The following HOXC4 variants were observed in gnomAD, a reference collection of about 807,000 sequenced individuals.
HOXC4 encodes the protein homeobox C4, also known as homeobox protein Hox-C4.
HOXC4 carries 15 observed loss-of-function variants against 25.5 expected under a neutral mutation model. The observed-to-expected ratio is 0.59, with a 90% confidence interval of 0.39 to 0.91. The LOEUF (loss-of-function observed/expected upper bound fraction) is 0.91. Ranked by LOEUF, HOXC4 falls within the 40% of genes least tolerant of loss-of-function variation. The pLI is 0.00. For missense variants in HOXC4, 342 were observed against 352.4 expected (o/e 0.97, Z 0.24); for synonymous variants, 165 against 148.0 (o/e 1.11, Z -0.83).
rs189986609 is a variant in HOXC4, at chr12:54,025,431, C to G, written c.-124+8017C>G. On this transcript the variant is annotated intron_variant, in intron 1 of 3. Coordinates refer to the HOXC4 transcript ENST00000303406. ...TCGGGCTCATCTGACCTGCTCTCCC[C>G]CCTTGGAGCGAATCCTTTCAGCAAA... is the stretch of plus-strand genomic sequence containing the variant. Among the ~76,000 whole-genome samples the G allele has an allele frequency of 3.9e-3, 596 of 151,878 alleles. 1 individual carries two copies. The highest frequency in any genetic ancestry group is 5.8e-3 in the Non-Finnish European group (397 of 67,950).
At chr12:54,048,930 C>A (rs916035056), upstream of HOXC4, among the ~76,000 whole-genome samples, 1 of 152,184 alleles carries the variant, frequency 6.6e-6, no homozygotes, top group African/African-American at 2.4e-5. Context: ...GGTCACCAAC[C>A]TGCCGCACAG....
intron 1 of HOXC4, among the ~76,000 whole-genome samples, chr12:54,031,890 TG>T (rs1190125105): frequency 6.6e-6 from 1 of 152,180 alleles, no homozygotes; most frequent in East Asian, 1.9e-4. Context: ...CCATTCCTCT[TG>T]GTAGCTCAGA....
chr12:54,023,930 C>T (rs1565737818), intron 1 of HOXC4, among the ~76,000 whole-genome samples: 1 of 152,132 alleles, frequency 6.6e-6, no homozygotes, highest in African/African-American at 2.4e-5. Context: ...AGGCTCTTTG[C>T]GATCTGATCC....
intron 1 of HOXC4, among the ~76,000 whole-genome samples, chr12:54,043,448 T>C (rs2136458352): frequency 6.6e-6 from 1 of 152,110 alleles, no homozygotes; most frequent in South Asian, 2.1e-4. Flanking sequence ...CAGAAACACA[T>C]ATATGTGCCC....
chr12:54,034,503 G>C (rs767865645), intron 1 of HOXC4: 1 of 1,609,576 alleles, frequency 6.2e-7, no homozygotes, highest in Admixed American at 1.7e-5. Context: ...AGGCAGCGGG[G>C]GAGGCCCGCA....
intron 1 of HOXC4, among the ~76,000 whole-genome samples, chr12:54,041,663 C>A (rs1481628127): frequency 3.9e-5 from 6 of 152,202 alleles, no homozygotes; most frequent in Non-Finnish European, 8.8e-5. Context: ...TTCAAGTTAC[C>A]TTCAACCACA....
upstream of HOXC4, among the ~76,000 whole-genome samples, chr12:54,050,975 T>C (rs1296354755): frequency 6.6e-6 from 1 of 152,110 alleles, no homozygotes; most frequent in Non-Finnish European, 1.5e-5. Context: ...TGTCTACTAC[T>C]TATACTGGCC....
At chr12:54,034,034 C>T (rs1293410087) in intron 1 of HOXC4, 3 of 692,852 alleles carry the variant, frequency 4.3e-6, no homozygotes, top group South Asian at 1.5e-5. Flanking sequence ...TCCCTCTTCC[C>T]CCCAACCCCC....
intron 1 of HOXC4, among the ~76,000 whole-genome samples, chr12:54,040,061 A>C (rs911957198): frequency 6.6e-6 from 1 of 151,882 alleles, no homozygotes; most frequent in Non-Finnish European, 1.5e-5. Context: ...TCAGTTTTTT[A>C]CTGTTTTCTA....
Position 54,055,784 on chromosome 12 carries a change from A to C in HOXC4, c.*579A>C, listed in dbSNP as rs1413405841. On this transcript the variant is annotated 3_prime_UTR_variant, in exon 2 of 2. Transcript: ENST00000430889. The stretch of plus-strand genomic sequence containing the variant: ...TGGGAGGAGAGGGGGCGAAGACAGC[A>C]GACAAAGCTAAATGCATCTGGAGAG... 1 of 152,468 alleles carries C rather than the reference A, an allele frequency of 6.6e-6. No homozygotes were observed. Among genetic ancestry groups the C allele is most frequent in the African/African-American group, 2.4e-5 (1 of 41,360 alleles). The allele number at this position is 152,468 out of a possible 1,614,324, so 9.4% of individuals were successfully genotyped here.
At chr12:54,026,953 C>T (rs1009746835) in intron 1 of HOXC4, among the ~76,000 whole-genome samples, 41 of 107,430 alleles carry the variant, frequency 3.8e-4, no homozygotes, top group Non-Finnish European at 6.9e-4. Flanking sequence ...CCCCAACCCA[C>T]CCAAAAATGG....
At chr12:54,018,071 G>A (rs943711607) in intron 1 of HOXC4, among the ~76,000 whole-genome samples, 1 of 152,160 alleles carries the variant, frequency 6.6e-6, no homozygotes, top group Non-Finnish European at 1.5e-5. Context: ...GCCGAGAGGA[G>A]AGCGTCTGCC....
chr12:54,047,080 G>T (rs1937729061), intron 1 of HOXC4, among the ~76,000 whole-genome samples: 1 of 152,216 alleles, frequency 6.6e-6, no homozygotes, highest in Non-Finnish European at 1.5e-5. Context: ...CTTCTCGCCC[G>T]CCAGCGCAGG....
chr12:54,046,568 A>G (rs1937711315), intron 1 of HOXC4, among the ~76,000 whole-genome samples: 1 of 152,054 alleles, frequency 6.6e-6, no homozygotes, highest in African/African-American at 2.4e-5. Flanking sequence ...GTTAATGGTA[A>G]CTCATTGCTG....
In HOXC4 at chr12:54,033,384, A is replaced by G. The variant is rs757164977; in HGVS notation, c.-124+15970A>G. 18 of 1,612,914 alleles carry G rather than the reference A, an allele frequency of 1.1e-5. 1 individual carries two copies. In the South Asian group the frequency reaches 1.8e-4, roughly 16 times the overall value. On this transcript the variant is annotated intron_variant, in intron 1 of 3. Transcript: ENST00000303406. Reference sequence around the variant, plus strand: ...GGCCGCTCCGGGACACGCTCCGGGCAGAGACGAAGCGGCTCCTCTGAACCC... The same window carrying G: ...GGCCGCTCCGGGACACGCTCCGGGCGGAGACGAAGCGGCTCCTCTGAACCC...
chr12:54,053,807 T>C, upstream of HOXC4: 1 of 750,098 alleles, frequency 1.3e-6, no homozygotes, highest in South Asian at 1.7e-5. Context: ...CTCCGTGTGA[T>C]TGGCCGGAGG....
At chr12:54,023,094 A>T (rs1940523098) in intron 1 of HOXC4, among the ~76,000 whole-genome samples, 1 of 152,136 alleles carries the variant, frequency 6.6e-6, no homozygotes, top group Admixed American at 6.5e-5. Flanking sequence ...CCCCATTCCC[A>T]GATCACAGAG....
intron 1 of HOXC4, among the ~76,000 whole-genome samples, chr12:54,025,307 T>C (rs964278074): frequency 1.3e-5 from 2 of 152,196 alleles, no homozygotes; most frequent in African/African-American, 4.8e-5. Context: ...TAGAAAAATC[T>C]AAGTCCCAGC....
intron 1 of HOXC4, among the ~76,000 whole-genome samples, chr12:54,039,660 G>T (rs908690325): frequency 1.1e-4 from 16 of 151,996 alleles, no homozygotes; most frequent in Admixed American, 9.8e-4. Context: ...CTGTGATTTT[G>T]AGAGTTTCTG....
Sources: allele counts gnomAD v4.1 joint callset (sites outside exome capture counted in the v4.1 genomes callset), GRCh38; gene constraint gnomAD v4.1.1; transcripts MANE v1.5; gene names NCBI Gene and HGNC (gene_info 2026-07-23, HGNC 2026-07-21).